Variants in SLC9A3 observed in about 807,000 individuals in gnomAD.
The protein encoded by SLC9A3 is sodium/hydrogen exchanger 3.
Under a neutral mutation model 86.8 loss-of-function variants are expected in SLC9A3, and 37 were observed. That is an observed-to-expected ratio of 0.43 (90% CI 0.33 to 0.56). The LOEUF (loss-of-function observed/expected upper bound fraction) is 0.56. Among genes scored for constraint, SLC9A3 ranks in the 20% least tolerant of loss-of-function variants. The pLI, the probability that SLC9A3 is intolerant of heterozygous loss-of-function variation, is 0.06. For missense variants in SLC9A3, 1,011 were observed against 1,171.9 expected (o/e 0.86, Z 2.00); for synonymous variants, 581 against 528.3 (o/e 1.10, Z -1.37).
rs1380594399 is a variant in SLC9A3 at position 491,733 on chromosome 5, CTG to C, written c.514+34_514+35del. Reference sequence around the variant, plus strand: ...AGCGCCGCCCCTCCCGGACCCCACCCTGATCCCGGCCGGGGCAACAGTGGCGC... The same window carrying C: ...AGCGCCGCCCCTCCCGGACCCCACCCATCCCGGCCGGGGCAACAGTGGCGC... On this transcript the variant is annotated intron_variant, in intron 2 of 16. Transcript: ENST00000264938. The surrounding 1 kb of genome is among the most constrained non-coding windows in gnomAD (Gnocchi z 9.2). 3 of 1,481,818 alleles carry C rather than the reference CTG, an allele frequency of 2.0e-6. No homozygotes were observed. In the East Asian group the frequency reaches 7.5e-5, roughly 37 times the overall value. 91.8% of individuals were successfully genotyped at this position (1,481,818 alleles called of 1,614,324 possible).
In SLC9A3 at chr5:491,036, C is replaced by T. The variant is rs999827903; in HGVS notation, c.514+733G>A. 4.6e-5 allele frequency among the ~76,000 whole-genome samples: 7 copies of T among 152,228 alleles called. No individual in the cohort carries two copies. Among genetic ancestry groups the T allele is most frequent in the Admixed American group, 6.5e-5 (1 of 15,290 alleles). On this transcript the variant is annotated intron_variant, in intron 2 of 16. Transcript: ENST00000264938. The surrounding 1 kb of genome is among the most constrained non-coding windows in gnomAD (Gnocchi z 9.2). ...CTCTCTCTTGAACCAGACGGAAAAT[C>T]GCCAATTCTTGTGAGTCTGGTTCAG...
chr5:492,589 C>T (rs74614580), intron 1 of SLC9A3, among the ~76,000 whole-genome samples: 17,653 of 151,852 alleles, frequency 0.12, 1,370 homozygotes, highest in South Asian at 0.17. Context: ...GCTGGAGCCC[C>T]CAGAAGGGAG....
chr5:472,766 G>A lies in SLC9A3; in HGVS notation c.*613C>T. 1 of 586,152 alleles carries A rather than the reference G, an allele frequency of 1.7e-6. No homozygotes were observed. Among genetic ancestry groups the A allele is most frequent in the East Asian group, 3.7e-5 (1 of 27,144 alleles). The allele number at this position is 586,152 out of a possible 1,614,324, so 36.3% of individuals were successfully genotyped here. ...CTGGGCCTGCAGCCGCTGCAGGTCG[G>A]GCCCTGAGTCCTGGCGCTCGGGAGG... is the stretch of plus-strand genomic sequence containing the variant. On this transcript the variant is annotated 3_prime_UTR_variant, in exon 17 of 17. Coordinates refer to ENST00000264938, the MANE Select transcript of SLC9A3 (RefSeq NM_004174.4).
intron 1 of SLC9A3, among the ~76,000 whole-genome samples, chr5:514,262 C>T (rs559700208): frequency 3.3e-5 from 5 of 152,142 alleles, no homozygotes; most frequent in South Asian, 2.1e-4. Flanking sequence ...GGTTCCAAGA[C>T]GCTTCACACA....
chr5:492,148 G>GGGCCGGGCTGT, intron 1 of SLC9A3, 77 bp from the exon 2 acceptor site: 1 of 405,946 alleles, frequency 2.5e-6, no homozygotes, highest in Non-Finnish European at 3.9e-6. Context: ...GTGAGGGAGG[G>GGGCCGGGCTGT]GAGGGAGGTG....
chr5:518,451 C>T (rs528849642), intron 1 of SLC9A3, among the ~76,000 whole-genome samples: 1 of 152,078 alleles, frequency 6.6e-6, no homozygotes, highest in African/African-American at 2.4e-5. Flanking sequence ...GGTACCCCAA[C>T]ACCTGGTACC....
chr5:486,718 C>T (rs1739487988), intron 3 of SLC9A3, among the ~76,000 whole-genome samples: 1 of 152,198 alleles, frequency 6.6e-6, no homozygotes. Context: ...CCGGGGTGGA[C>T]CCTGATCCAA....
At chr5:485,800 G>A (rs534304053) in intron 3 of SLC9A3, among the ~76,000 whole-genome samples, 1 of 152,380 alleles carries the variant, frequency 6.6e-6, no homozygotes, top group East Asian at 1.9e-4. Flanking sequence ...TCTGGCCAAG[G>A]TGGGAGAGGA....
At chr5:520,124 T>C (rs1384153322) in intron 1 of SLC9A3, among the ~76,000 whole-genome samples, 2 of 146,000 alleles carry the variant, frequency 1.4e-5, no homozygotes, top group Non-Finnish European at 3.0e-5. Context: ...GTCCTAACCC[T>C]CAAGGCGCCA....
intron 1 of SLC9A3, among the ~76,000 whole-genome samples, chr5:515,619 C>T (rs1733706559): frequency 1.3e-5 from 2 of 151,888 alleles, no homozygotes; most frequent in South Asian, 2.1e-4. Flanking sequence ...TCCTGCTTAT[C>T]CTCCACAGGG....
intron 1 of SLC9A3, among the ~76,000 whole-genome samples, chr5:499,801 C>T (rs761786778): frequency 2.6e-5 from 4 of 152,210 alleles, no homozygotes; most frequent in African/African-American, 4.8e-5. Flanking sequence ...CTGCGCATAA[C>T]GTCTCCGTAG....
chr5:476,649 C>G lies in SLC9A3; in HGVS notation c.1784G>C (p.Cys595Ser). 1 of 1,606,888 alleles carries G rather than the reference C, an allele frequency of 6.2e-7. No homozygotes were observed. The highest frequency in any genetic ancestry group is 8.5e-7 in the Non-Finnish European group (1 of 1,179,864). Residue 595 changes from cysteine to serine, a missense_variant, in exon 12 of 17, where the codon TGC becomes TCC. This residue lies in a region of SLC9A3 where 397 missense variants were observed against 346.3 expected (regional missense o/e 1.15). Coordinates refer to ENST00000264938, the MANE Select transcript of SLC9A3 (RefSeq NM_004174.4). Reference sequence around the variant, plus strand: ...CTGCTCCAGAGACTGCATGTCCAGGCAGACAGCGCTGACATTTTCTCTCCT... The same window carrying G: ...CTGCTCCAGAGACTGCATGTCCAGGGAGACAGCGCTGACATTTTCTCTCCT... ...YLLRENVSAV[C>S]LDMQSLEQRR...
At chr5:513,149 G>A (rs897360209) in intron 1 of SLC9A3, among the ~76,000 whole-genome samples, 2 of 152,158 alleles carry the variant, frequency 1.3e-5, no homozygotes, top group Non-Finnish European at 2.9e-5. Context: ...GGTGTGGGCT[G>A]GGACCACTGA....
At chr5:523,987 C>T (rs895730871) in intron 1 of SLC9A3, 125 bp downstream of exon 1, 6 of 512,032 alleles carry the variant, frequency 1.2e-5, no homozygotes, top group African/African-American at 8.0e-5. Flanking sequence ...ACCCGAGAGC[C>T]GGACTCTCCC....
At chr5:481,723 AC>A in intron 8 of SLC9A3, 88 bp from the exon 9 acceptor site, 1 of 1,128,946 alleles carries the variant, frequency 8.9e-7, no homozygotes, top group Non-Finnish European at 1.3e-6. Flanking sequence ...GCCCCGAGGA[AC>A]CCACCAGCCC....
At chr5:516,823 C>T (rs1261141973) in intron 1 of SLC9A3, among the ~76,000 whole-genome samples, 2 of 152,202 alleles carry the variant, frequency 1.3e-5, no homozygotes, top group South Asian at 2.1e-4. Context: ...CCTTGGCAGG[C>T]GGCGCCTCTA....
At chr5:513,425 G>T (rs1371135865) in intron 1 of SLC9A3, among the ~76,000 whole-genome samples, 1 of 152,188 alleles carries the variant, frequency 6.6e-6, no homozygotes, top group East Asian at 1.9e-4. Flanking sequence ...CCCACCCCCT[G>T]CTCTAACAGA....
chr5:522,114 G>GCT (rs33992584), intron 1 of SLC9A3, among the ~76,000 whole-genome samples: 141,423 of 152,168 alleles, frequency 0.93, 65,987 homozygotes, highest in Non-Finnish European at 0.96. Flanking sequence ...ACAGGGTAAG[G>GCT]CTCGCCTTCC....
In SLC9A3 at chr5:481,609, G is replaced by A. The variant is rs747251170; in HGVS notation, c.1473C>T (p.Ile491=). 6.8e-6 allele frequency: 11 copies of A among 1,613,916 alleles called. No homozygotes were observed. Among genetic ancestry groups the A allele is most frequent in the South Asian group, 4.4e-5 (4 of 91,084 alleles). The change falls in exon 9 of 17, where the codon ATC becomes ATT. Residue 491 remains isoleucine, a synonymous_variant. Transcript: ENST00000264938. The part of the protein sequence containing the change: ...GRAFDHILSA[I]EDISGQIGHN... ...GCCCGATCTGTCCGGATATGTCCTC[G>A]ATGGCCGAGAGGATGTGGTCGAAAG...
Sources: allele counts gnomAD v4.1 joint callset (sites outside exome capture counted in the v4.1 genomes callset), GRCh38; gene constraint gnomAD v4.1.1; regional missense constraint gnomAD v4.1.1; non-coding constraint Gnocchi (gnomAD v3.1); transcripts MANE v1.5; gene names NCBI Gene and HGNC (gene_info 2026-07-23, HGNC 2026-07-21).